Variants in CTNNA3 observed in about 807,000 individuals in gnomAD.
CTNNA3 encodes catenin alpha-3.
A neutral mutation model predicts 95.7 loss-of-function variants in CTNNA3; 76 were observed. The ratio of observed to expected loss-of-function variants is 0.79; its 90% confidence interval spans 0.66 to 0.96. The LOEUF (loss-of-function observed/expected upper bound fraction) is 0.96. Among genes scored for constraint, CTNNA3 ranks in the 40% least tolerant of loss-of-function variants. The probability of loss-of-function intolerance (pLI) is 0.00; values close to 1 mark genes in which losing one functional copy is unlikely to be tolerated. For synonymous variants in CTNNA3, 431 were observed against 374.4 expected (o/e 1.15, Z -1.74); for missense variants, 1,191 against 1,089.8 (o/e 1.09, Z -1.31).
At chr10:67,691,622 C>A (rs987368854) in intron 1 of CTNNA3, among the ~76,000 whole-genome samples, 1 of 151,236 alleles carries the variant, frequency 6.6e-6, no homozygotes, top group Non-Finnish European at 1.5e-5. Flanking sequence ...CTGGCAACCG[C>A]CCCGTCTGAG....
chr10:67,273,299 T>C (rs1188446082), intron 5 of CTNNA3, among the ~76,000 whole-genome samples: 1 of 151,910 alleles, frequency 6.6e-6, no homozygotes, highest in Admixed American at 6.6e-5. Context: ...AATTTAAAAA[T>C]GGGAAAACTA....
In CTNNA3 at chr10:66,350,540, GA is replaced by G. The variant is rs897663853; in HGVS notation, c.1732+28611del. On this transcript the variant is annotated intron_variant, in intron 12 of 17. Transcript: ENST00000433211. ...CAAAATAAATCAAAACGTAGCTCCA[GA>G]AAAAAAAAATTGGGGAAGAAATTCC... Among the ~76,000 whole-genome samples, 412 of 127,582 alleles carry G rather than the reference GA, an allele frequency of 3.2e-3. 3 individuals are homozygous for G. The highest frequency in any genetic ancestry group is 9.0e-3 in the African/African-American group (313 of 34,938). The allele number at this position is 127,582 out of a possible 152,430, so 83.7% of individuals were successfully genotyped here.
At chr10:67,627,553 CATGTT>C (rs1338140501) in intron 2 of CTNNA3, among the ~76,000 whole-genome samples, 3 of 151,874 alleles carry the variant, frequency 2.0e-5, no homozygotes, top group African/African-American at 4.8e-5. Flanking sequence ...ATCTTAAGGA[CATGTT>C]ATGTTAAGTA....
intron 9 of CTNNA3, among the ~76,000 whole-genome samples, chr10:66,705,442 T>C (rs1262305759): frequency 6.6e-6 from 1 of 152,066 alleles, no homozygotes; most frequent in Non-Finnish European, 1.5e-5. Flanking sequence ...ATAGGTACTA[T>C]TTCTTACTTA....
At chr10:66,510,619 T>A (rs1840621013) in intron 11 of CTNNA3, among the ~76,000 whole-genome samples, 1 of 151,846 alleles carries the variant, frequency 6.6e-6, no homozygotes, top group African/African-American at 2.4e-5. Flanking sequence ...ATGATGAATT[T>A]TATTAAAAGA....
chr10:66,109,758 C>A (rs964419895), intron 13 of CTNNA3, among the ~76,000 whole-genome samples: 6 of 151,284 alleles, frequency 4.0e-5, no homozygotes, highest in Non-Finnish European at 7.4e-5. Context: ...AAGAAGATAT[C>A]AGAAAATGTA....
At chr10:66,908,731 T>C (rs1241559735) in intron 7 of CTNNA3, among the ~76,000 whole-genome samples, 2 of 152,190 alleles carry the variant, frequency 1.3e-5, no homozygotes, top group East Asian at 3.9e-4. Flanking sequence ...TGGCACTTAA[T>C]TCAGGTTTTT....
intron 4 of CTNNA3, among the ~76,000 whole-genome samples, chr10:67,527,894 C>G (rs190989806): frequency 3.3e-5 from 5 of 152,210 alleles, no homozygotes; most frequent in Non-Finnish European, 7.3e-5. Flanking sequence ...TTTGAGAAAG[C>G]TAGCCAAAGC....
chr10:67,463,767 C>T (rs996796487), intron 5 of CTNNA3, among the ~76,000 whole-genome samples: 3 of 152,124 alleles, frequency 2.0e-5, no homozygotes, highest in Admixed American at 1.3e-4. Context: ...TGTGAATATT[C>T]AACTTTTCAA....
At chr10:65,925,274 A>T (rs1337176647) in intron 17 of CTNNA3, among the ~76,000 whole-genome samples, 2 of 146,880 alleles carry the variant, frequency 1.4e-5, no homozygotes, top group African/African-American at 4.9e-5. Flanking sequence ...AATATGAAAT[A>T]AGCAAACAGA....
intron 7 of CTNNA3, among the ~76,000 whole-genome samples, chr10:66,957,783 T>G (rs528164867): frequency 6.6e-6 from 1 of 152,136 alleles, no homozygotes; most frequent in South Asian, 2.1e-4. Context: ...TTGCTAGAAC[T>G]GCTGAAAAGT....
intron 10 of CTNNA3, among the ~76,000 whole-genome samples, chr10:66,545,274 C>T (rs1221401073): frequency 6.6e-6 from 1 of 151,942 alleles, no homozygotes; most frequent in Non-Finnish European, 1.5e-5. Context: ...ATAAACGTCC[C>T]TTTCTAAACA....
intron 13 of CTNNA3, among the ~76,000 whole-genome samples, chr10:66,253,685 T>G (rs1456614010): frequency 3.9e-5 from 6 of 152,116 alleles, no homozygotes; most frequent in Non-Finnish European, 8.8e-5. Flanking sequence ...GATATGTCTT[T>G]GTGGTGTATG....
chr10:66,660,165 T>C (rs6480195), intron 9 of CTNNA3, among the ~76,000 whole-genome samples: 100,157 of 151,892 alleles, frequency 0.66, 33,923 homozygotes, highest in East Asian at 0.95. Flanking sequence ...CCTATGCACA[T>C]GGGTTCCAAG....
intron 9 of CTNNA3, among the ~76,000 whole-genome samples, chr10:66,734,485 TGGA>T (rs1404795175): frequency 6.6e-6 from 1 of 152,144 alleles, no homozygotes; most frequent in East Asian, 1.9e-4. Flanking sequence ...GTGGTGCTGG[TGGA>T]GAACTATTTT....
intron 13 of CTNNA3, among the ~76,000 whole-genome samples, chr10:66,118,642 C>A (rs979028777): frequency 2.0e-5 from 3 of 152,070 alleles, no homozygotes; most frequent in Non-Finnish European, 4.4e-5. Context: ...TGTCTTAGAA[C>A]TTTTTCTCCC....
At chr10:66,115,025 T>A (rs2082270454) in intron 13 of CTNNA3, among the ~76,000 whole-genome samples, 1 of 152,194 alleles carries the variant, frequency 6.6e-6, no homozygotes, top group South Asian at 2.1e-4. Context: ...TTCTATCTTT[T>A]ATCATAAGGA....
At chr10:67,124,252 T>C (rs1388806780) in intron 7 of CTNNA3, among the ~76,000 whole-genome samples, 1 of 152,074 alleles carries the variant, frequency 6.6e-6, no homozygotes, top group East Asian at 1.9e-4. Context: ...CTGTTACTTA[T>C]ACTTAATTAT....
At chr10:66,475,725 G>A (rs1021613654) in intron 11 of CTNNA3, among the ~76,000 whole-genome samples, 7 of 151,996 alleles carry the variant, frequency 4.6e-5, no homozygotes, top group African/African-American at 1.7e-4. Context: ...AGATGCTGGC[G>A]AGGCTATGGA....
Sources: gnomAD v4.1 joint callset for allele counts (sites outside exome capture counted in the v4.1 genomes callset) on GRCh38, gnomAD v4.1.1 for gene constraint, MANE v1.5 for transcripts, NCBI Gene and HGNC (gene_info 2026-07-23, HGNC 2026-07-21) for gene names.